STK3: variants seen among roughly 807,000 people sequenced by gnomAD.
STK3 encodes the protein serine/threonine kinase 3.
Under a neutral mutation model 58.0 loss-of-function variants are expected in STK3, and 41 were observed. The observed-to-expected ratio is 0.71, with a 90% CI of 0.55 to 0.92. STK3 has a LOEUF of 0.92. Among genes scored for constraint, STK3 ranks in the 40% least tolerant of loss-of-function variants. The probability of loss-of-function intolerance (pLI) is 0.00; values close to 1 mark genes in which losing one functional copy is unlikely to be tolerated. For synonymous variants in STK3, 170 were observed against 191.0 expected, an observed-to-expected ratio of 0.89 and a Z score of 0.91; for missense variants, 479 against 602.7, an observed-to-expected ratio of 0.79 and a Z score of 2.15.
chr8:98,426,461 C>G (rs976653354), intron 3 of STK3, among the ~76,000 whole-genome samples: 4 of 152,176 alleles, frequency 2.6e-5, no homozygotes, highest in African/African-American at 9.6e-5. Flanking sequence ...CCACACAGAG[C>G]TCCCGACCAG....
At chr8:98,394,377 A>G (rs1208344229) in intron 3 of STK3, among the ~76,000 whole-genome samples, 1 of 152,110 alleles carries the variant, frequency 6.6e-6, no homozygotes, top group African/African-American at 2.4e-5. Flanking sequence ...TTTCCAAAAG[A>G]CATTAGAAAT....
intron 1 of STK3, among the ~76,000 whole-genome samples, chr8:98,380,962 CCTTTTTTTTTTTT>C (rs1817725635): frequency 8.6e-6 from 1 of 116,506 alleles, no homozygotes; most frequent in African/African-American, 3.2e-5. Context: ...TTCTCTCTCT[CCTTTTTTTTTTTT>C]TTTTTTTTTT....
chr8:98,702,320 C>T (rs1330678230), intron 6 of STK3, among the ~76,000 whole-genome samples: 1 of 152,176 alleles, frequency 6.6e-6, no homozygotes, highest in Non-Finnish European at 1.5e-5. Flanking sequence ...AGACTTAACA[C>T]CTTTGAAAGA....
chr8:98,544,647 ATAAC>A (rs1169658729), intron 9 of STK3, among the ~76,000 whole-genome samples: 1 of 103,646 alleles, frequency 9.6e-6, no homozygotes, highest in African/African-American at 4.1e-5. Flanking sequence ...TAATTCTACT[ATAAC>A]ACACACACAC....
chr8:98,370,837 T>G (rs1461121845), downstream of STK3, among the ~76,000 whole-genome samples: 5 of 152,222 alleles, frequency 3.3e-5, no homozygotes, highest in Non-Finnish European at 7.3e-5. Flanking sequence ...TTAAATCCCA[T>G]CTGGATGATC....
intron 7 of STK3, among the ~76,000 whole-genome samples, chr8:98,588,530 C>G (rs991758140): frequency 5.9e-5 from 9 of 152,062 alleles, no homozygotes; most frequent in African/African-American, 2.2e-4. Flanking sequence ...CTGCCCTTAA[C>G]ATTTTTTCCT....
intron 1 of STK3, among the ~76,000 whole-genome samples, chr8:98,884,733 C>T (rs1261203761): frequency 6.6e-6 from 1 of 152,160 alleles, no homozygotes; most frequent in Non-Finnish European, 1.5e-5. Context: ...CAGATTTCTC[C>T]TTGTGATTTG....
At chr8:98,732,320 T>C (rs1405504147) in intron 4 of STK3, among the ~76,000 whole-genome samples, 2 of 152,144 alleles carry the variant, frequency 1.3e-5, no homozygotes, top group Non-Finnish European at 2.9e-5. Flanking sequence ...TCTAGGCACA[T>C]TCTTGTGAAA....
At chr8:98,346,759 G>T in the STK3 span, among the ~76,000 whole-genome samples, 1 of 151,166 alleles carries the variant, frequency 6.6e-6, no homozygotes, top group South Asian at 2.1e-4. Context: ...ACAAAAATCT[G>T]AAAGAATTTA....
chr8:98,659,870 CAAAT>C (rs1821833113), intron 6 of STK3, among the ~76,000 whole-genome samples: 1 of 150,692 alleles, frequency 6.6e-6, no homozygotes, highest in African/African-American at 2.4e-5. Context: ...CTTAAAAAAA[CAAAT>C]AAAAATAAAA....
At chr8:98,815,755 C>G (rs1403412671) in intron 1 of STK3, among the ~76,000 whole-genome samples, 5 of 152,132 alleles carry the variant, frequency 3.3e-5, no homozygotes, top group Non-Finnish European at 5.9e-5. Flanking sequence ...AGGAAAGAAT[C>G]AAACATTTAT....
intron 6 of STK3, among the ~76,000 whole-genome samples, chr8:98,683,876 G>A (rs1467794670): frequency 6.6e-6 from 1 of 152,076 alleles, no homozygotes; most frequent in African/African-American, 2.4e-5. Flanking sequence ...ACTCTTGAGG[G>A]TCACTGATAT....
intron 3 of STK3, among the ~76,000 whole-genome samples, chr8:98,874,242 G>GT (rs1161315996): frequency 1.3e-5 from 2 of 152,324 alleles, no homozygotes; most frequent in African/African-American, 4.8e-5. Flanking sequence ...CCCTTTGTGG[G>GT]TAACCTGACC....
intron 1 of STK3, among the ~76,000 whole-genome samples, chr8:98,909,976 A>C (rs1364405144): frequency 6.6e-6 from 1 of 152,164 alleles, no homozygotes; most frequent in Non-Finnish European, 1.5e-5. Context: ...GTGTATGAGA[A>C]TTGTGATTTC....
chr8:98,765,536 C>T (rs1830889676), intron 3 of STK3, among the ~76,000 whole-genome samples: 1 of 152,226 alleles, frequency 6.6e-6, no homozygotes, highest in South Asian at 2.1e-4. Context: ...CCTGTGTCAC[C>T]AGCTCTAAGT....
At chr8:98,417,010 G>A (rs961685134) in intron 3 of STK3, among the ~76,000 whole-genome samples, 2 of 152,186 alleles carry the variant, frequency 1.3e-5, no homozygotes, top group African/African-American at 4.8e-5. Context: ...GAACAGCTGT[G>A]ACCCTTCCAG....
chr8:98,862,092 A>G (rs1439853534), intron 3 of STK3, among the ~76,000 whole-genome samples: 1 of 152,204 alleles, frequency 6.6e-6, no homozygotes, highest in Non-Finnish European at 1.5e-5. Flanking sequence ...TAGGGAGTCC[A>G]CAGACCCTAA....
chr8:98,485,340 C>T (rs956072572), intron 10 of STK3, among the ~76,000 whole-genome samples: 1 of 152,330 alleles, frequency 6.6e-6, no homozygotes, highest in East Asian at 1.9e-4. Context: ...AGAACCATTA[C>T]TGTTGCCCTG....
At chr8:98,833,209 G>A (rs1835604918) in intron 3 of STK3, among the ~76,000 whole-genome samples, 1 of 152,138 alleles carries the variant, frequency 6.6e-6, no homozygotes, top group African/African-American at 2.4e-5. Context: ...TCAAAGTTGG[G>A]GGGTGCAGGG....
Sources: gnomAD v4.1 joint callset for allele counts (sites outside exome capture counted in the v4.1 genomes callset) on GRCh38, gnomAD v4.1.1 for gene constraint, MANE v1.5 for transcripts, NCBI Gene and HGNC (gene_info 2026-07-23, HGNC 2026-07-21) for gene names.